Variants in ATP2C1 observed in about 807,000 individuals in gnomAD.
The protein encoded by ATP2C1 is ATPase secretory pathway Ca2+ transporting 1.
A neutral mutation model predicts 120.5 loss-of-function variants in ATP2C1; 31 were observed. The observed-to-expected ratio is 0.26, with a 90% confidence interval of 0.19 to 0.35. ATP2C1 has a LOEUF of 0.35. Among genes scored for constraint, ATP2C1 ranks in the 10% least tolerant of loss-of-function variants. The pLI, the probability that ATP2C1 is intolerant of heterozygous loss-of-function variation, is 1.00. For missense variants in ATP2C1, 731 were observed against 1,107.5 expected (o/e 0.66, Z 4.83); for synonymous variants, 351 against 358.7 (o/e 0.98, Z 0.24).
At chr3:130,856,346 T>C (rs1316598063) in intron 1 of ATP2C1, 1 of 152,178 alleles carries the variant, frequency 6.6e-6, no homozygotes, top group African/African-American at 2.4e-5. Context: ...AATGATACTA[T>C]AAAAATTAAG....
intron 1 of ATP2C1, among the ~76,000 whole-genome samples, chr3:130,861,185 C>T (rs963030679): frequency 6.6e-6 from 1 of 152,184 alleles, no homozygotes; most frequent in Non-Finnish European, 1.5e-5. Context: ...AGGAGGATCA[C>T]TTGAACCTGA....
At chr3:131,012,667 C>G (rs985659321) in intron 26 of ATP2C1, among the ~76,000 whole-genome samples, 2 of 152,050 alleles carry the variant, frequency 1.3e-5, no homozygotes, top group African/African-American at 2.4e-5. Context: ...TGGGAGTAAC[C>G]ATCTCTTTGG....
At chr3:130,923,673 G>C (rs906317303) in intron 2 of ATP2C1, among the ~76,000 whole-genome samples, 1 of 151,708 alleles carries the variant, frequency 6.6e-6, no homozygotes, top group Admixed American at 6.6e-5. Context: ...TTCAAGACTA[G>C]CCTTGCAAAC....
upstream of ATP2C1, among the ~76,000 whole-genome samples, chr3:130,890,656 T>A: frequency 6.6e-6 from 1 of 152,200 alleles, no homozygotes; most frequent in East Asian, 1.9e-4. Flanking sequence ...GTAGCTCATA[T>A]GAGTCCTTCA....
chr3:130,973,004 T>C (rs1745658), intron 17 of ATP2C1, among the ~76,000 whole-genome samples: 60,867 of 151,888 alleles, frequency 0.4, 13,828 homozygotes, highest in Middle Eastern at 0.53. Flanking sequence ...AAAATGTTTA[T>C]TAAATAAAGT....
intron 1 of ATP2C1, among the ~76,000 whole-genome samples, chr3:130,858,019 T>C (rs1346263884): frequency 6.6e-6 from 1 of 152,148 alleles, no homozygotes; most frequent in Non-Finnish European, 1.5e-5. Flanking sequence ...CTGAAGAACT[T>C]GGAGTCCGAT....
Position 130,932,002 on chromosome 3 carries a change from T to G in ATP2C1, c.118-20T>G, listed in dbSNP as rs1360886930. The G allele has an allele frequency of 6.9e-7, 1 of 1,449,948 alleles. No individual in the cohort carries two copies. Among genetic ancestry groups the G allele is most frequent in the African/African-American group, 1.4e-5 (1 of 71,590 alleles). 89.8% of individuals were successfully genotyped at this position (1,449,948 alleles called of 1,614,324 possible). ...TCTGTGCTAACATTTTCAATAACTT[T>G]CATGTATAAACTCTAATAGGCTGAT... On this transcript the variant is annotated intron_variant, in intron 3 of 27. Coordinates refer to ENST00000510168, the MANE Select transcript of ATP2C1 (RefSeq NM_001378687.1).
intron 6 of ATP2C1, among the ~76,000 whole-genome samples, chr3:130,938,642 C>G (rs910786351): frequency 9.9e-5 from 15 of 152,168 alleles, no homozygotes; most frequent in Admixed American, 9.8e-4. Context: ...CAAATGTTGC[C>G]CATGGTCAGG....
chr3:130,911,545 G>T (rs556132189), intron 2 of ATP2C1, among the ~76,000 whole-genome samples: 4 of 151,372 alleles, frequency 2.6e-5, no homozygotes, highest in Non-Finnish European at 5.9e-5. Flanking sequence ...TGATGTTAGG[G>T]TGTCAATTTT....
chr3:130,889,085 C>T (rs2069078073), upstream of ATP2C1, among the ~76,000 whole-genome samples: 1 of 152,200 alleles, frequency 6.6e-6, no homozygotes, highest in South Asian at 2.1e-4. Flanking sequence ...GCTCAGCACT[C>T]AAGGGAGGAA....
intron 10 of ATP2C1, 51 bp downstream of exon 10, chr3:130,955,131 C>CTT (rs2060523999): frequency 1.7e-6 from 2 of 1,203,024 alleles, no homozygotes. Flanking sequence ...TGAAATTCTT[C>CTT]ATTGTAAGTA....
chr3:131,007,827 G>A (rs368202732), downstream of ATP2C1, among the ~76,000 whole-genome samples: 108 of 152,274 alleles, frequency 7.1e-4, no homozygotes, highest in East Asian at 2.7e-3. Context: ...TGTGAAACAC[G>A]TGATATGTGC....
At chr3:130,927,462 C>T (rs1034390596) in intron 2 of ATP2C1, among the ~76,000 whole-genome samples, 4 of 151,992 alleles carry the variant, frequency 2.6e-5, no homozygotes, top group Non-Finnish European at 4.4e-5. Context: ...AGGATGGTCT[C>T]GATCTCCTGA....
chr3:130,996,239 A>G, intron 23 of ATP2C1, 128 bp downstream of exon 23: 2 of 765,176 alleles, frequency 2.6e-6, no homozygotes, highest in Non-Finnish European at 4.5e-6. Context: ...TCAGTTTTCC[A>G]AAAAGAAAAT....
intron 14 of ATP2C1, among the ~76,000 whole-genome samples, chr3:130,966,668 G>A (rs1442262908): frequency 6.6e-6 from 1 of 152,078 alleles, no homozygotes; most frequent in African/African-American, 2.4e-5. Flanking sequence ...TTTAAAATTG[G>A]TGTGTAATAT....
Position 130,964,982 on chromosome 3 carries a change from A to C in ATP2C1, c.1059A>C (p.Gly353=). The C allele has an allele frequency of 6.2e-7, 1 of 1,611,956 alleles. No individual in the cohort carries two copies. Among genetic ancestry groups the C allele is most frequent in the East Asian group, 2.2e-5 (1 of 44,710 alleles). ...CCNVICSDKT[G]TLTKNEMTVT... ...ATGTGATTTGTTCAGATAAAACTGG[A>C]ACACTGACGAAGAATGAAATGACTG... The change falls in exon 14 of 28, where the codon GGA becomes GGC. Residue 353 remains glycine, a synonymous_variant. Coordinates refer to ENST00000510168, the MANE Select transcript of ATP2C1 (RefSeq NM_001378687.1).
chr3:131,007,376 A>G (rs2063156689), downstream of ATP2C1, among the ~76,000 whole-genome samples: 1 of 152,188 alleles, frequency 6.6e-6, no homozygotes, highest in Admixed American at 6.5e-5. Flanking sequence ...AAAGGCCCAC[A>G]TTTCTGTGGT....
chr3:130,988,561 G>A (rs1320094631), intron 20 of ATP2C1, among the ~76,000 whole-genome samples: 1 of 151,908 alleles, frequency 6.6e-6, no homozygotes, highest in Non-Finnish European at 1.5e-5. Context: ...ATCTAACTTC[G>A]GGACAGCCAT....
intron 2 of ATP2C1, among the ~76,000 whole-genome samples, chr3:130,908,498 A>G (rs2058247285): frequency 6.6e-6 from 1 of 151,980 alleles, no homozygotes; most frequent in Admixed American, 6.6e-5. Context: ...AAATACTTGT[A>G]TACACACCTG....
Sources: allele counts gnomAD v4.1 joint callset (sites outside exome capture counted in the v4.1 genomes callset), GRCh38; gene constraint gnomAD v4.1.1; transcripts MANE v1.5; gene names NCBI Gene and HGNC (gene_info 2026-07-23, HGNC 2026-07-21).